LRRTM2: variants seen among roughly 807,000 people sequenced by gnomAD.
The protein encoded by LRRTM2 is leucine-rich repeat transmembrane neuronal protein 2.
In LRRTM2, 14 loss-of-function variants were observed where a neutral mutation model predicts 40.7. The observed-to-expected ratio is 0.34, with a 90% CI of 0.23 to 0.54. LRRTM2 has a LOEUF of 0.54. Among genes scored for constraint, LRRTM2 ranks in the 20% least tolerant of loss-of-function variants. LRRTM2 has a pLI of 0.92. For missense variants in LRRTM2, 468 were observed against 624.4 expected, an observed-to-expected ratio of 0.75 and a Z score of 2.67; for synonymous variants, 223 against 237.6, an observed-to-expected ratio of 0.94 and a Z score of 0.57.
In LRRTM2 at chr5:138,869,799, G is replaced by A. The variant is rs563621935; in HGVS notation, c.*3211C>T. On this transcript the variant is annotated 3_prime_UTR_variant, in exon 2 of 2. Transcript: ENST00000274711. ...TGAATTGATACAGAAATTAACTTAG[G>A]CACATTAAGAAATTACATGTGTTAG... 1 of 152,588 alleles carries A rather than the reference G, an allele frequency of 6.6e-6. No individual in the cohort carries two copies. The highest frequency in any genetic ancestry group is 2.4e-5 in the African/African-American group (1 of 41,510). 9.5% of individuals were successfully genotyped at this position (152,588 alleles called of 1,614,324 possible).
rs548624174 is a variant in LRRTM2 at position 138,874,988 on chromosome 5, A to G, written c.-77T>C. 6.7e-7 allele frequency: 1 copy of G among 1,491,572 alleles called. No individual in the cohort carries two copies. The allele number at this position is 1,491,572 out of a possible 1,614,324, so 92.4% of individuals were successfully genotyped here. A position where few individuals can be genotyped will look rare whatever the true frequency, so the allele number is the denominator to read the frequency against. Reference sequence around the variant, plus strand: ...CAGTGAGTCTGTAAAAGGCTCTAACATGTAGGAGCCTTTGACCAGTTTCCT... The same window carrying G: ...CAGTGAGTCTGTAAAAGGCTCTAACGTGTAGGAGCCTTTGACCAGTTTCCT... On this transcript the variant is annotated 5_prime_UTR_variant, in exon 1 of 2. It removes an upstream start codon present in the reference 5' UTR. Transcript: ENST00000274711. This position sits in a 1 kb window ranked among gnomAD's most constrained non-coding sequence, Gnocchi z 4.1.
In LRRTM2 at chr5:138,874,857, A is replaced by G. The variant is rs1240356900; in HGVS notation, c.4+51T>C. 5 of 1,546,854 alleles carry G rather than the reference A, an allele frequency of 3.2e-6. No individual in the cohort carries two copies. In the African/African-American group the frequency reaches 4.1e-5, roughly 13 times the overall value. On this transcript the variant is annotated intron_variant, in intron 1 of 1. Transcript: ENST00000274711. This position sits in a 1 kb window ranked among gnomAD's most constrained non-coding sequence, Gnocchi z 4.1. ...AATGTGAATTCGGTAGCTTATTTTA[A>G]AAGCGTGATTCCTTGTTGAATGTAC...
In LRRTM2 at chr5:138,870,490, C is replaced by G. The variant is rs535485082; in HGVS notation, c.*2520G>C. The stretch of plus-strand genomic sequence containing the variant: ...CCTCGCTAGCCTTGGCTATGCTGTT[C>G]CTCTGAATTAGTAAATGGCTGGCTT... On this transcript the variant is annotated 3_prime_UTR_variant, in exon 2 of 2. Transcript: ENST00000274711. 6.6e-6 allele frequency: 1 copy of G among 152,208 alleles called. No individual in the cohort carries two copies. Among genetic ancestry groups the G allele is most frequent in the South Asian group, 2.1e-4 (1 of 4,816 alleles). 9.4% of individuals were successfully genotyped at this position (152,208 alleles called of 1,614,324 possible).
In LRRTM2 at chr5:138,874,662, C is replaced by T. The variant is rs1384716164; in HGVS notation, c.5-106G>A. 4 of 782,808 alleles carry T rather than the reference C, an allele frequency of 5.1e-6. No homozygotes were observed. Among genetic ancestry groups the T allele is most frequent in the Admixed American group, 5.9e-5 (2 of 33,768 alleles). 48.5% of individuals were successfully genotyped at this position (782,808 alleles called of 1,614,324 possible). On this transcript the variant is annotated intron_variant, in intron 1 of 1. Transcript: ENST00000274711. This position sits in a 1 kb window ranked among gnomAD's most constrained non-coding sequence, Gnocchi z 4.1. Reference sequence around the variant, plus strand: ...CCACCAACATTATAGCAAAAGATTTCACTGCATATAACTTATTTTTCATTT... The same window carrying T: ...CCACCAACATTATAGCAAAAGATTTTACTGCATATAACTTATTTTTCATTT...
In LRRTM2 at chr5:138,872,050, G is replaced by GTA. The variant is rs1390336467; in HGVS notation, c.*959_*960insTA. ...AGAGTGTGTGTGTGTGTGTGTGTGT[G>GTA]TGTGTGTGTGTGTGTGTGCGCTTTT... On this transcript the variant is annotated 3_prime_UTR_variant, in exon 2 of 2. Coordinates refer to ENST00000274711, the MANE Select transcript of LRRTM2 (RefSeq NM_015564.3). 7.3e-6 allele frequency: 1 copy of GTA among 137,626 alleles called. No homozygotes were observed. The highest frequency in any genetic ancestry group is 1.6e-5 in the Non-Finnish European group (1 of 63,002). 8.5% of individuals were successfully genotyped at this position (137,626 alleles called of 1,614,324 possible). A position where few individuals can be genotyped will look rare whatever the true frequency, so the allele number is the denominator to read the frequency against.
At position 138,874,004 on chromosome 5, in the gene LRRTM2, A is replaced by G. The variant is rs753183277; in HGVS notation, c.557T>C (p.Leu186Pro). The G allele has an allele frequency of 6.2e-7, 1 of 1,614,044 alleles. No individual in the cohort carries two copies. Among genetic ancestry groups the G allele is most frequent in the South Asian group, 1.1e-5 (1 of 91,086 alleles). The change falls in exon 2 of 2, where the codon CTG (leucine) becomes CCG (proline). Residue 186 changes from leucine to proline, a missense_variant. Transcript: ENST00000274711. The surrounding 1 kb of genome is among the most constrained non-coding windows in gnomAD (Gnocchi z 4.1). ...TCGCAAACGATTTGTGCTCAAATCC[A>G]GAAACTCCAGACTACGACAGTCCCA... ...LFWDCRSLEFLDLSTNRLRSL... is the reference protein window; with the variant it reads ...LFWDCRSLEFPDLSTNRLRSL...
rs1357350269 is a variant in LRRTM2 at position 138,873,728 on chromosome 5, T to G, written c.833A>C (p.Asn278Thr). ...IDLTVFETMP[N>T]LKILLMDNNK... ...GTTATCCATGAGGAGTATTTTAAGA[T>G]TGGGCATCGTTTCAAACACTGTCAA... The change falls in exon 2 of 2, where the codon AAT becomes ACT. Residue 278 changes from asparagine to threonine, a missense_variant. By Grantham distance (65) the Asn-to-Thr change is moderately conservative. Transcript: ENST00000274711. This position sits in a 1 kb window ranked among gnomAD's most constrained non-coding sequence, Gnocchi z 6.1. The G allele has an allele frequency of 6.2e-7, 1 of 1,614,044 alleles. No individual in the cohort carries two copies.
In LRRTM2 at chr5:138,874,469, C is replaced by G; in HGVS notation, c.92G>C (p.Gly31Ala). Residue 31 changes from glycine (G) to alanine (A), a missense_variant, in exon 2 of 2, where the codon GGT becomes GCT. Physicochemically the swap from Gly to Ala is moderately conservative, Grantham distance 60. Transcript: ENST00000274711. This position sits in a 1 kb window ranked among gnomAD's most constrained non-coding sequence, Gnocchi z 4.1. ...GCGGCATTTGGGTGGACACGCCATA[C>G]CCAGGGCAGGCAGCATTTTTAAAAC... ...SMVLKMLPALGMACPPKCRCE... is the reference protein window; with the variant it reads ...SMVLKMLPALAMACPPKCRCE... 6.2e-7 allele frequency: 1 copy of G among 1,613,188 alleles called. No individual in the cohort carries two copies.
rs1750664226 is a variant in LRRTM2, at chr5:138,871,814, T to G, written c.*1196A>C. The G allele has an allele frequency of 6.6e-6, 1 of 152,244 alleles. No individual in the cohort carries two copies. Among genetic ancestry groups the G allele is most frequent in the Non-Finnish European group, 1.5e-5 (1 of 68,038 alleles). The allele number at this position is 152,244 out of a possible 1,614,324, so 9.4% of individuals were successfully genotyped here. ...TTACAGCGTGAATGCGTATCTTTAT[T>G]GAAAGATCGAAATGTATTATATAAT... On this transcript the variant is annotated 3_prime_UTR_variant, in exon 2 of 2. Coordinates refer to ENST00000274711, the MANE Select transcript of LRRTM2 (RefSeq NM_015564.3).
rs550723546 is a variant in LRRTM2, at chr5:138,872,160, A to G, written c.*850T>C. 2.0e-5 allele frequency: 3 copies of G among 152,688 alleles called. No individual in the cohort carries two copies. Among genetic ancestry groups the G allele is most frequent in the East Asian group, 1.9e-4 (1 of 5,192 alleles). 9.5% of individuals were successfully genotyped at this position (152,688 alleles called of 1,614,324 possible). A position where few individuals can be genotyped will look rare whatever the true frequency, so the allele number is the denominator to read the frequency against. ...AAATATCTTCTAAATCTTTTTTCAC[A>G]TATTAATGTAAACATAGGATTTAGT... is the stretch of plus-strand genomic sequence containing the variant. On this transcript the variant is annotated 3_prime_UTR_variant, in exon 2 of 2. Transcript: ENST00000274711.
In LRRTM2 at chr5:138,873,691, G is replaced by T; in HGVS notation, c.870C>A (p.Asn290Lys). ...KILLMDNNKL[N>K]SLDSKILNSL... ...AGTTTAAGATCTTGGAATCAAGGCT[G>T]TTTAACTTGTTGTTATCCATGAGGA... The change falls in exon 2 of 2, where the codon AAC becomes AAA. Residue 290 changes from asparagine to lysine, a missense_variant. Physicochemically the swap from Asn to Lys is moderately conservative, Grantham distance 94. Transcript: ENST00000274711. This position sits in a 1 kb window ranked among gnomAD's most constrained non-coding sequence, Gnocchi z 6.1. The T allele has an allele frequency of 6.2e-7, 1 of 1,614,044 alleles. No homozygotes were observed. The highest frequency in any genetic ancestry group is 2.2e-5 in the East Asian group (1 of 44,882).
chr5:138,871,819 G>A lies in LRRTM2; in HGVS notation c.*1191C>T, dbSNP rs1185765181. 1 of 152,154 alleles carries A rather than the reference G, an allele frequency of 6.6e-6. No individual in the cohort carries two copies. The highest frequency in any genetic ancestry group is 2.4e-5 in the African/African-American group (1 of 41,436). The allele number at this position is 152,154 out of a possible 1,614,324, so 9.4% of individuals were successfully genotyped here. A position where few individuals can be genotyped will look rare whatever the true frequency, so the allele number is the denominator to read the frequency against. On this transcript the variant is annotated 3_prime_UTR_variant, in exon 2 of 2. Transcript: ENST00000274711. ...GCGTGAATGCGTATCTTTATTGAAA[G>A]ATCGAAATGTATTATATAATAGTTG... is the stretch of plus-strand genomic sequence containing the variant.
In LRRTM2 at chr5:138,873,600, C is replaced by T; in HGVS notation, c.961G>A (p.Ala321Thr). ...AAACTGCCCAGCCAGGAGGCCAGAGCACATATTCGGGCGCTGCATTCCCAC... is the reference window on the plus strand; with the variant it reads ...AAACTGCCCAGCCAGGAGGCCAGAGTACATATTCGGGCGCTGCATTCCCAC... ...NLWECSARIC[A>T]LASWLGSFQG... The change falls in exon 2 of 2, where the codon GCT (alanine) becomes ACT (threonine). Residue 321 changes from alanine (A) to threonine (T), a missense_variant. Ala to Thr is a moderately conservative substitution (Grantham distance 58). Transcript: ENST00000274711. The surrounding 1 kb of genome is among the most constrained non-coding windows in gnomAD (Gnocchi z 6.1). 1.2e-6 allele frequency: 2 copies of T among 1,613,980 alleles called. No homozygotes were observed. Among genetic ancestry groups the T allele is most frequent in the Non-Finnish European group, 1.7e-6 (2 of 1,179,886 alleles).
chr5:138,873,540 T>G lies in LRRTM2; in HGVS notation c.1021A>C (p.Ser341Arg). 1 of 1,614,012 alleles carries G rather than the reference T, an allele frequency of 6.2e-7. No individual in the cohort carries two copies. The change falls in exon 2 of 2, where the codon AGT (serine) becomes CGT (arginine). Residue 341 changes from serine to arginine, a missense_variant. Coordinates refer to ENST00000274711, the MANE Select transcript of LRRTM2 (RefSeq NM_015564.3). This position sits in a 1 kb window ranked among gnomAD's most constrained non-coding sequence, Gnocchi z 6.1. ...GRWEHSILCH[S>R]PDHTQGEDIL... Reference sequence around the variant, plus strand: ...TCCTCTCCTTGGGTGTGGTCAGGACTGTGGCATAGGATGGAGTGTTCCCAC... The same window carrying G: ...TCCTCTCCTTGGGTGTGGTCAGGACGGTGGCATAGGATGGAGTGTTCCCAC...
Position 138,874,590 on chromosome 5 carries a change from A to T in LRRTM2, c.5-34T>A. 1 of 1,368,156 alleles carries T rather than the reference A, an allele frequency of 7.3e-7. No individual in the cohort carries two copies. Among genetic ancestry groups the T allele is most frequent in the Non-Finnish European group, 9.9e-7 (1 of 1,014,510 alleles). The allele number at this position is 1,368,156 out of a possible 1,614,324, so 84.8% of individuals were successfully genotyped here. On this transcript the variant is annotated intron_variant, in intron 1 of 1. Transcript: ENST00000274711. This position sits in a 1 kb window ranked among gnomAD's most constrained non-coding sequence, Gnocchi z 4.1. ...TATAATTTAAGGAAAACAAGAAGAT[A>T]GGATATTTTTCAGCAGAACATATGG...
chr5:138,874,403 T>A lies in LRRTM2; in HGVS notation c.158A>T (p.His53Leu). The part of the protein sequence containing the change: ...LLFYCDSQGF[H>L]SVPNATDKGS... ...CTTGTCTGTGGCGTTTGGCACTGAG[T>A]GGAAGCCCTGAGAGTCGCAGTAGAA... Residue 53 changes from histidine (H) to leucine (L), a missense_variant, in exon 2 of 2, where the codon CAC (histidine) becomes CTC (leucine). Transcript: ENST00000274711. The surrounding 1 kb of genome is among the most constrained non-coding windows in gnomAD (Gnocchi z 4.1). The A allele has an allele frequency of 6.2e-7, 1 of 1,613,866 alleles. No individual in the cohort carries two copies. The highest frequency in any genetic ancestry group is 1.1e-5 in the South Asian group (1 of 91,074).
In LRRTM2 at chr5:138,873,394, A is replaced by G. The variant is rs1000140136; in HGVS notation, c.1167T>C (p.Ser389=). The change falls in exon 2 of 2, where the codon AGT becomes AGC. Residue 389 remains serine (S), a synonymous_variant. Coordinates refer to ENST00000274711, the MANE Select transcript of LRRTM2 (RefSeq NM_015564.3). This position sits in a 1 kb window ranked among gnomAD's most constrained non-coding sequence, Gnocchi z 6.1. ...TEYTKRISSS[S]YHVGDKEIPT... is the part of the protein sequence containing the mutation. Reference sequence around the variant, plus strand: ...GGATTTCTTTGTCTCCCACATGGTAACTTGATGAGCTTATTCTTTTTGTAT... The same window carrying G: ...GGATTTCTTTGTCTCCCACATGGTAGCTTGATGAGCTTATTCTTTTTGTAT... The G allele has an allele frequency of 6.2e-7, 1 of 1,614,032 alleles. No individual in the cohort carries two copies. Among genetic ancestry groups the G allele is most frequent in the East Asian group, 2.2e-5 (1 of 44,894 alleles).
rs745591711 is a variant in LRRTM2 at position 138,873,112 on chromosome 5, C to G, written c.1449G>C (p.Pro483=). 6.2e-7 allele frequency: 1 copy of G among 1,613,866 alleles called. No individual in the cohort carries two copies. Among genetic ancestry groups the G allele is most frequent in the Non-Finnish European group, 8.5e-7 (1 of 1,179,826 alleles). ...CATGGGTGGGTTCATATTCATTATA[C>G]GGTCCTTGGTCTGACATGTTTGACA... ...LHMSNMSDQG[P]YNEYEPTHEG... Residue 483 remains proline, a synonymous_variant, in exon 2 of 2, where the codon CCG becomes CCC. Coordinates refer to ENST00000274711, the MANE Select transcript of LRRTM2 (RefSeq NM_015564.3). This position sits in a 1 kb window ranked among gnomAD's most constrained non-coding sequence, Gnocchi z 6.1.
At position 138,872,027 on chromosome 5, in the gene LRRTM2, AGTGTGTGTGTGTGTGTGTGTGTGTGT is replaced by A. The variant is rs370259988; in HGVS notation, c.*957_*982del. The A allele has an allele frequency of 2.3e-5, 3 of 133,066 alleles. No individual in the cohort carries two copies. Among genetic ancestry groups the A allele is most frequent in the East Asian group, 2.1e-4 (1 of 4,654 alleles). 8.2% of individuals were successfully genotyped at this position (133,066 alleles called of 1,614,324 possible). ...TGATAGTTGAGAGAGAGAGCGCGAG[AGTGTGTGTGTGTGTGTGTGTGTGTGT>A]GTGTGTGTGTGTGTGCGCTTTTAAA... is the stretch of plus-strand genomic sequence containing the variant. On this transcript the variant is annotated 3_prime_UTR_variant, in exon 2 of 2. Coordinates refer to ENST00000274711, the MANE Select transcript of LRRTM2 (RefSeq NM_015564.3).
Sources: gnomAD v4.1 joint callset for allele counts on GRCh38, gnomAD v4.1.1 for gene constraint, Gnocchi (gnomAD v3.1) non-coding constraint, MANE v1.5 for transcripts, NCBI Gene and HGNC (gene_info 2026-07-23, HGNC 2026-07-21) for gene names.